The following CUBN variants were observed in gnomAD, a reference collection of about 807,000 sequenced individuals.
CUBN encodes the protein cubilin.
A neutral mutation model predicts 405.3 loss-of-function variants in CUBN; 282 were observed. That is an observed-to-expected ratio of 0.70 (90% CI 0.63 to 0.77). The LOEUF (loss-of-function observed/expected upper bound fraction) is 0.77. CUBN is among the 30% of genes least tolerant of loss of function. The pLI is 0.00. For synonymous variants in CUBN, 1,684 were observed against 1,617.0 expected (o/e 1.04, Z -0.99); for missense variants, 4,514 against 4,475.2 (o/e 1.01, Z -0.25).
chr10:17,039,200 G>A (rs539226118), intron 27 of CUBN, among the ~76,000 whole-genome samples: 8 of 152,236 alleles, frequency 5.3e-5, no homozygotes, highest in Admixed American at 4.6e-4. Context: ...TGTTATACGT[G>A]CAACGCTCGG....
Position 16,840,404 on chromosome 10 carries a change from T to C in CUBN, c.9958A>G (p.Ile3320Val), listed in dbSNP as rs1214434948. The part of the protein sequence containing the change: ...IDSPPHQQVK[I>V]TVWALQLTSQ... ...GTCAGCTGTAATGCCCACACAGTTA[T>C]CTTGACCTGCTGATGCGGAGGGGAA... Residue 3320 changes from isoleucine (I) to valine (V), a missense_variant, in exon 62 of 67, where the codon ATA becomes GTA. By Grantham distance (29) the Ile-to-Val change is conservative. This residue lies in a region of CUBN where 1,186 missense variants were observed against 1,186.9 expected (regional missense o/e 1.00). Transcript: ENST00000377833. The C allele has an allele frequency of 3.1e-6, 5 of 1,614,004 alleles. No homozygotes were observed. The African/African-American group carries it at 6.7e-5, about 22-fold the overall frequency.
chr10:16,874,448 T>C lies in CUBN; in HGVS notation c.9162A>G (p.Ser3054=), dbSNP rs1588610406. Residue 3054 remains serine, a synonymous_variant, in exon 58 of 67, where the codon TCA becomes TCG. Coordinates refer to ENST00000377833, the MANE Select transcript of CUBN (RefSeq NM_001081.4). ...GCATATCATTTGGGTAGTCTGCGTATGAATAGGCAGGACTTGTGATGATTC... is the reference window on the plus strand; with the variant it reads ...GCATATCATTTGGGTAGTCTGCGTACGAATAGGCAGGACTTGTGATGATTC... The part of the protein sequence containing the change: ...SSGIITSPAY[S]YADYPNDMHC... The C allele has an allele frequency of 6.2e-7, 1 of 1,614,118 alleles. No homozygotes were observed. The highest frequency in any genetic ancestry group is 2.2e-5 in the East Asian group (1 of 44,878).
In CUBN at chr10:16,954,516, G is replaced by C. The variant is rs919896051; in HGVS notation, c.4728C>G (p.Arg1576=). Residue 1576 remains arginine (R), a synonymous_variant, in exon 32 of 67, where the codon CGC becomes CGG. Transcript: ENST00000377833. ...GCTCCCTTCCACACGTCCTGGCAAGGCGGGACATTGTGGAGCTTAAGCCAT... is the reference window on the plus strand; with the variant it reads ...GCTCCCTTCCACACGTCCTGGCAAGCCGGGACATTGTGGAGCTTAAGCCAT... ...AYDGLSSTMS[R]LARTCGREQL... 2.5e-6 allele frequency: 4 copies of C among 1,613,818 alleles called. No homozygotes were observed. The highest frequency in any genetic ancestry group is 3.4e-6 in the Non-Finnish European group (4 of 1,180,004).
chr10:16,923,491 T>C (rs1338084645), intron 43 of CUBN, among the ~76,000 whole-genome samples: 1 of 152,192 alleles, frequency 6.6e-6, no homozygotes, highest in East Asian at 1.9e-4. Context: ...AGGCTGGCTA[T>C]AGTTATGGAA....
chr10:16,848,446 G>T (rs970915898), intron 60 of CUBN, among the ~76,000 whole-genome samples: 1 of 152,126 alleles, frequency 6.6e-6, no homozygotes, highest in African/African-American at 2.4e-5. Flanking sequence ...AAACGCTCTA[G>T]TACACATAAT....
chr10:17,072,038 ACTTGG>A, intron 17 of CUBN, 67 bp from the exon 18 acceptor site: 1 of 1,284,730 alleles, frequency 7.8e-7, no homozygotes. Flanking sequence ...TGGTGGCGTT[ACTTGG>A]AGATGAAAAA....
intron 28 of CUBN, among the ~76,000 whole-genome samples, chr10:17,009,841 G>A (rs903961748): frequency 6.6e-6 from 1 of 152,156 alleles, no homozygotes; most frequent in African/African-American, 2.4e-5. Flanking sequence ...TCTGTCCCTG[G>A]GGGAAAGTTC....
intron 19 of CUBN, among the ~76,000 whole-genome samples, chr10:17,069,446 C>G (rs1195439786): frequency 6.9e-6 from 1 of 144,410 alleles, no homozygotes; most frequent in Non-Finnish European, 1.6e-5. Context: ...TACATCTCCA[C>G]CAGGAGTGTA....
chr10:16,928,080 T>C, intron 41 of CUBN, 77 bp downstream of exon 41: 3 of 1,521,844 alleles, frequency 2.0e-6, no homozygotes, highest in East Asian at 2.3e-5. Context: ...AAAAACATTA[T>C]ATTAGGAAGA....
At chr10:16,921,323 T>C in intron 43 of CUBN, among the ~76,000 whole-genome samples, 1 of 152,180 alleles carries the variant, frequency 6.6e-6, no homozygotes, top group Admixed American at 6.6e-5. Context: ...TCTGCATCTC[T>C]ACACTCTATT....
At chr10:16,890,218 T>C (rs1840962609) in intron 55 of CUBN, among the ~76,000 whole-genome samples, 153 bp downstream of exon 55, 1 of 152,178 alleles carries the variant, frequency 6.6e-6, no homozygotes. Flanking sequence ...CACTGCTATT[T>C]GGAAGAAAGG....
chr10:16,899,511 T>C (rs1841294941), intron 53 of CUBN, among the ~76,000 whole-genome samples: 1 of 152,232 alleles, frequency 6.6e-6, no homozygotes, highest in African/African-American at 2.4e-5. Flanking sequence ...GTAGTATATG[T>C]AACCTGGCAA....
intron 31 of CUBN, among the ~76,000 whole-genome samples, chr10:16,971,182 A>G (rs1205584053): frequency 4.6e-5 from 7 of 152,346 alleles, no homozygotes; most frequent in South Asian, 4.1e-4. Context: ...AACTCTGTCT[A>G]AGCAACAGGA....
chr10:16,851,133 G>C, intron 60 of CUBN, 102 bp downstream of exon 60: 2 of 924,578 alleles, frequency 2.2e-6, no homozygotes, highest in South Asian at 1.3e-5. Flanking sequence ...AGTAGCACCT[G>C]TACTCAAAAT....
chr10:17,048,623 A>T (rs1835192354), intron 22 of CUBN, among the ~76,000 whole-genome samples: 1 of 152,112 alleles, frequency 6.6e-6, no homozygotes, highest in African/African-American at 2.4e-5. Context: ...GACTACAAGC[A>T]TGCACCACCA....
At chr10:16,832,499 C>G (rs1449601580) in intron 64 of CUBN, among the ~76,000 whole-genome samples, 1 of 152,162 alleles carries the variant, frequency 6.6e-6, no homozygotes, top group Admixed American at 6.5e-5. Flanking sequence ...ACAAAGTAAC[C>G]TTGCCATGAC....
chr10:16,902,113 C>A (rs1399173550), intron 51 of CUBN, among the ~76,000 whole-genome samples: 2 of 127,772 alleles, frequency 1.6e-5, no homozygotes, highest in South Asian at 2.4e-4. Context: ...ACACACACAC[C>A]ATATATAGTA....
chr10:16,939,971 T>A, intron 37 of CUBN, 61 bp downstream of exon 37: 1 of 1,326,136 alleles, frequency 7.5e-7, no homozygotes, highest in South Asian at 1.2e-5. Flanking sequence ...ACTGAGAAAA[T>A]TATTATTTCT....
Position 16,876,975 on chromosome 10 carries a change from C to T in CUBN, c.9028G>A (p.Ala3010Thr), listed in dbSNP as rs756775921. The change falls in exon 57 of 67, where the codon GCT (alanine) becomes ACT (threonine). Residue 3010 changes from alanine (A) to threonine (T), a missense_variant. This residue lies in a region of CUBN where 1,186 missense variants were observed against 1,186.9 expected (regional missense o/e 1.00). Transcript: ENST00000377833. ...TAGAAGTTAAGCAGAACCGGCCCAG[C>T]GATGGTGAGGGGAGCTGGCATCTCA... ...GDEMPAPLTI[A>T]GPVLLNFYSN... 14 of 1,613,990 alleles carry T rather than the reference C, an allele frequency of 8.7e-6. No homozygotes were observed. The highest frequency in any genetic ancestry group is 1.6e-4 in the Middle Eastern group (1 of 6,084).
Sources: gnomAD v4.1 joint callset for allele counts (sites outside exome capture counted in the v4.1 genomes callset) on GRCh38, gnomAD v4.1.1 for gene constraint, gnomAD v4.1.1 regional missense constraint, MANE v1.5 for transcripts, NCBI Gene and HGNC (gene_info 2026-07-23, HGNC 2026-07-21) for gene names.